PLPPR1: variants seen among roughly 807,000 people sequenced by gnomAD.
PLPPR1 encodes the protein phospholipid phosphatase-related protein type 1.
In PLPPR1, 10 loss-of-function variants were observed where a neutral mutation model predicts 33.1. The ratio of observed to expected loss-of-function variants is 0.30; its 90% CI spans 0.19 to 0.51. The LOEUF is 0.51. Ranked by LOEUF, PLPPR1 falls within the 20% of genes least tolerant of loss-of-function variation. PLPPR1 has a pLI of 0.97. For synonymous variants in PLPPR1, 151 were observed against 151.0 expected, an observed-to-expected ratio of 1.00 and a Z score of 0.00; for missense variants, 304 against 408.1, an observed-to-expected ratio of 0.74 and a Z score of 2.20.
intron 1 of PLPPR1, among the ~76,000 whole-genome samples, chr9:101,062,149 GGTGTGTGTGT>G (rs56998660): frequency 2.1e-3 from 314 of 148,548 alleles, no homozygotes; most frequent in Non-Finnish European, 3.0e-3. Flanking sequence ...GACAAAATGT[GGTGTGTGTGT>G]GTGTGTGTGT....
At chr9:101,077,602 C>A (rs955457352) in intron 1 of PLPPR1, among the ~76,000 whole-genome samples, 2 of 152,100 alleles carry the variant, frequency 1.3e-5, no homozygotes, top group African/African-American at 4.8e-5. Flanking sequence ...AGAATAGCAC[C>A]TGTGAGGGGG....
At chr9:101,318,281 GA>G (rs140693321) in intron 7 of PLPPR1, among the ~76,000 whole-genome samples, 5,511 of 152,174 alleles carry the variant, frequency 0.036, 346 homozygotes, top group African/African-American at 0.12. Context: ...AAATGAAGGG[GA>G]AAAAAATCTA....
At chr9:101,118,149 G>A (rs926725392) in intron 1 of PLPPR1, among the ~76,000 whole-genome samples, 5 of 152,206 alleles carry the variant, frequency 3.3e-5, no homozygotes, top group African/African-American at 1.2e-4. Context: ...CTAGGACAGA[G>A]ATGGGGAGGA....
chr9:101,265,358 T>C (rs1827970723), intron 2 of PLPPR1, among the ~76,000 whole-genome samples: 1 of 152,182 alleles, frequency 6.6e-6, no homozygotes, highest in Non-Finnish European at 1.5e-5. Context: ...CCCACAGCCA[T>C]AATTGCTTCT....
At chr9:101,040,920 GA>G (rs199947908) in intron 1 of PLPPR1, among the ~76,000 whole-genome samples, 7 of 151,070 alleles carry the variant, frequency 4.6e-5, no homozygotes, top group African/African-American at 7.3e-5. Context: ...ATGAACAAAA[GA>G]AAAAAAAATA....
intron 1 of PLPPR1, among the ~76,000 whole-genome samples, chr9:101,059,827 T>G (rs1241551875): frequency 2.0e-5 from 3 of 152,012 alleles, no homozygotes; most frequent in African/African-American, 7.2e-5. Context: ...AGTGCTGGCA[T>G]GGATGTGGAG....
chr9:101,285,307 T>C (rs971811150), intron 3 of PLPPR1, among the ~76,000 whole-genome samples: 1 of 151,122 alleles, frequency 6.6e-6, no homozygotes, highest in Non-Finnish European at 1.5e-5. Context: ...TCCCTGCTAT[T>C]AGGGGGCTTC....
chr9:101,246,099 T>G (rs533978), intron 2 of PLPPR1, among the ~76,000 whole-genome samples: 57,975 of 109,762 alleles, frequency 0.53, 16,541 homozygotes, highest in African/African-American at 0.74. Context: ...TATATATATA[T>G]ATATATATAT....
At chr9:101,096,193 A>G (rs572868695) in intron 1 of PLPPR1, among the ~76,000 whole-genome samples, 1 of 152,308 alleles carries the variant, frequency 6.6e-6, no homozygotes, top group Non-Finnish European at 1.5e-5. Flanking sequence ...GGGCCAGCAC[A>G]TTCTTCTTAA....
intron 2 of PLPPR1, among the ~76,000 whole-genome samples, chr9:101,262,722 C>T (rs1169694039): frequency 6.6e-6 from 1 of 152,174 alleles, no homozygotes; most frequent in African/African-American, 2.4e-5. Flanking sequence ...TATTGCAGCA[C>T]TGTTCACAAT....
chr9:101,037,578 G>A (rs1400963929), intron 1 of PLPPR1, among the ~76,000 whole-genome samples: 1 of 152,090 alleles, frequency 6.6e-6, no homozygotes, highest in Non-Finnish European at 1.5e-5. Flanking sequence ...TGAGAGCACT[G>A]CTGTTCGGCT....
intron 4 of PLPPR1, among the ~76,000 whole-genome samples, chr9:101,305,286 A>G (rs1828837790): frequency 1.3e-5 from 2 of 152,104 alleles, no homozygotes; most frequent in Admixed American, 1.3e-4. Flanking sequence ...AACATACTCC[A>G]TATGAAGGTT....
At chr9:101,323,896 C>A in intron 7 of PLPPR1, 129 bp from the exon 8 acceptor site, 2 of 592,256 alleles carry the variant, frequency 3.4e-6, no homozygotes, top group South Asian at 2.7e-5. Flanking sequence ...CTTGGAAAAG[C>A]ATATTAGGGG....
intron 1 of PLPPR1, among the ~76,000 whole-genome samples, chr9:101,042,980 T>G (rs982512856): frequency 5.3e-5 from 8 of 152,132 alleles, no homozygotes; most frequent in African/African-American, 1.4e-4. Flanking sequence ...GAATAAGTTC[T>G]TTAGTGATGA....
At chr9:101,173,365 G>T (rs1383619585) in intron 1 of PLPPR1, among the ~76,000 whole-genome samples, 2 of 151,996 alleles carry the variant, frequency 1.3e-5, no homozygotes, top group Non-Finnish European at 2.9e-5. Context: ...ATTTGGTTTT[G>T]CATATTTTTG....
chr9:101,052,825 C>A (rs548885191), intron 1 of PLPPR1, among the ~76,000 whole-genome samples: 2 of 152,306 alleles, frequency 1.3e-5, no homozygotes, highest in African/African-American at 4.8e-5. Flanking sequence ...AAAAGAAAAT[C>A]TTCCACATAG....
intron 2 of PLPPR1, among the ~76,000 whole-genome samples, chr9:101,213,828 A>G (rs1213323015): frequency 2.6e-5 from 4 of 152,228 alleles, no homozygotes; most frequent in Non-Finnish European, 5.9e-5. Flanking sequence ...CAAATGTATC[A>G]TTGTCTTAAT....
At chr9:101,157,529 T>C (rs527816048) in intron 1 of PLPPR1, among the ~76,000 whole-genome samples, 91 of 152,234 alleles carry the variant, frequency 6.0e-4, no homozygotes, top group Non-Finnish European at 1.0e-3. Context: ...TGTAGATAAA[T>C]GAAATTACCC....
At chr9:101,029,337 GC>G (rs1392862994) in intron 1 of PLPPR1, among the ~76,000 whole-genome samples, 1 of 152,216 alleles carries the variant, frequency 6.6e-6, no homozygotes, top group Admixed American at 6.5e-5. Flanking sequence ...CCACCTCCCT[GC>G]TCATAAACTT....
Sources: gnomAD v4.1 joint callset for allele counts (sites outside exome capture counted in the v4.1 genomes callset) on GRCh38, gnomAD v4.1.1 for gene constraint, MANE v1.5 for transcripts, NCBI Gene and HGNC (gene_info 2026-07-23, HGNC 2026-07-21) for gene names.